The following TOPAZ1 variants were observed in gnomAD, a reference collection of about 807,000 sequenced individuals.
The protein encoded by TOPAZ1 is testis and ovary specific TOPAZ 1.
TOPAZ1 carries 66 observed loss-of-function variants against 172.2 expected under a neutral mutation model. The ratio of observed to expected loss-of-function variants is 0.38; its 90% CI spans 0.31 to 0.47. The LOEUF (loss-of-function observed/expected upper bound fraction) is 0.47, where lower values mean the gene tolerates loss of function less well. Ranked by LOEUF, TOPAZ1 falls within the 20% of genes least tolerant of loss-of-function variation. The pLI is 0.99. For synonymous variants in TOPAZ1, 681 were observed against 683.9 expected (o/e 1.00, Z 0.07); for missense variants, 1,822 against 1,972.4 (o/e 0.92, Z 1.44).
At position 44,242,892 on chromosome 3, in the gene TOPAZ1, A is replaced by G. The variant is rs1699503017; in HGVS notation, c.386A>G (p.Asp129Gly). 6.6e-7 allele frequency: 1 copy of G among 1,524,474 alleles called. No homozygotes were observed. Among genetic ancestry groups the G allele is most frequent in the Non-Finnish European group, 8.8e-7 (1 of 1,140,250 alleles). The allele number at this position is 1,524,474 out of a possible 1,614,324, so 94.4% of individuals were successfully genotyped here. The part of the protein sequence containing the change: ...KRKVTEASSD[D>G]PQPGLDLVRK... Reference sequence around the variant, plus strand: ...AAAGTTACTGAAGCCTCAAGTGATGATCCACAGCCAGGGCTTGACTTGGTA... The same window carrying G: ...AAAGTTACTGAAGCCTCAAGTGATGGTCCACAGCCAGGGCTTGACTTGGTA... Residue 129 changes from aspartate (D) to glycine (G), a missense_variant, in exon 2 of 20, where the codon GAT becomes GGT. Coordinates refer to ENST00000309765, the MANE Select transcript of TOPAZ1 (RefSeq NM_001145030.2).
rs1699866987 is a variant in TOPAZ1 at position 44,269,278 on chromosome 3, T to C, written c.3223T>C (p.Phe1075Leu). ...GCAGAATCCTGAAACTTGTGAAATA[T>C]TCAAGAGGGAAAAAAATGTGGGGGT... ...KLQNPETCEIFKREKNVGVFQ... is the reference protein window; with the variant it reads ...KLQNPETCEILKREKNVGVFQ... Residue 1075 changes from phenylalanine (F) to leucine (L), a missense_variant, in exon 7 of 20, where the codon TTC (phenylalanine) becomes CTC (leucine). This residue lies in a region of TOPAZ1 where 1,489 missense variants were observed against 1,490.8 expected (regional missense o/e 1.00). Transcript: ENST00000309765. 2 of 1,548,530 alleles carry C rather than the reference T, an allele frequency of 1.3e-6. No homozygotes were observed. The highest frequency in any genetic ancestry group is 2.4e-5 in the South Asian group (2 of 83,968).
intron 8 of TOPAZ1, among the ~76,000 whole-genome samples, chr3:44,271,796 A>G (rs1440081174): frequency 1.3e-5 from 2 of 152,084 alleles, no homozygotes; most frequent in Non-Finnish European, 2.9e-5. Flanking sequence ...TGAAATGTGC[A>G]TTATTATTTG....
rs71085609 is a variant in TOPAZ1, at chr3:44,255,670, TACACACACAC to T, written c.2828-439_2828-430del. Among the ~76,000 whole-genome samples, 59 of 46,360 alleles carry T rather than the reference TACACACACAC, an allele frequency of 1.3e-3. 1 individual carries two copies. The highest frequency in any genetic ancestry group is 4.5e-3 in the East Asian group (6 of 1,334). The allele number at this position is 46,360 out of a possible 152,430, so 30.4% of individuals were successfully genotyped here. A position where few individuals can be genotyped will look rare whatever the true frequency, so the allele number is the denominator to read the frequency against. Reference sequence around the variant, plus strand: ...CTGTCTCAAAAAAAAAAAATATATATACACACACACACACACACACACACACACACACACA... The same window carrying T: ...CTGTCTCAAAAAAAAAAAATATATATACACACACACACACACACACACACA... On this transcript the variant is annotated intron_variant, in intron 3 of 19. Transcript: ENST00000309765.
intron 12 of TOPAZ1, among the ~76,000 whole-genome samples, chr3:44,298,918 T>TAA (rs1559541900): frequency 2.4e-5 from 1 of 42,532 alleles, no homozygotes; most frequent in African/African-American, 9.4e-5. Context: ...TATTTTTTTT[T>TAA]TTTTTTTTTT....
In TOPAZ1 at chr3:44,243,817, T is replaced by C; in HGVS notation, c.1311T>C (p.Tyr437=). The change falls in exon 2 of 20, where the codon TAT becomes TAC. Residue 437 remains tyrosine, a synonymous_variant. Coordinates refer to ENST00000309765, the MANE Select transcript of TOPAZ1 (RefSeq NM_001145030.2). ...AGAATGCTTCAGAGCCGTTAGGTTATGAAAGCATGGCATCGAAAGAGGATT... is the reference window on the plus strand; with the variant it reads ...AGAATGCTTCAGAGCCGTTAGGTTACGAAAGCATGGCATCGAAAGAGGATT... ...ETENASEPLG[Y]ESMASKEDFK... The C allele has an allele frequency of 6.4e-7, 1 of 1,551,782 alleles. No homozygotes were observed. The highest frequency in any genetic ancestry group is 1.7e-4 in the Middle Eastern group (1 of 5,992).
chr3:44,278,994 AGTT>A (rs759395474), intron 8 of TOPAZ1, among the ~76,000 whole-genome samples: 1 of 151,922 alleles, frequency 6.6e-6, no homozygotes, highest in Non-Finnish European at 1.5e-5. Context: ...CTTTTAGAAT[AGTT>A]GTTGCTATAT....
chr3:44,243,654 A>G lies in TOPAZ1; in HGVS notation c.1148A>G (p.Lys383Arg), dbSNP rs149624505. ...ETKSPLNVLR[K>R]VSHNTVSLMD... ...AAAAGTCCTTTAAATGTTTTGAGAA[A>G]AGTAAGCCATAATACAGTCTCTTTG... Residue 383 changes from lysine to arginine, a missense_variant, in exon 2 of 20, where the codon AAA becomes AGA. Lys to Arg is a conservative substitution (Grantham distance 26). Around this residue, in one of 2 missense-constraint regions of TOPAZ1, gnomAD observed 1,489 missense variants for 1,490.8 expected, o/e 1.00. Transcript: ENST00000309765. The G allele has an allele frequency of 8.2e-4, 1,273 of 1,550,112 alleles. 18 individuals are homozygous for G. In the African/African-American group the frequency reaches 0.015, roughly 18 times the overall value.
chr3:44,249,381 GA>G (rs1699603746), intron 2 of TOPAZ1, among the ~76,000 whole-genome samples: 1 of 152,156 alleles, frequency 6.6e-6, no homozygotes, highest in Non-Finnish European at 1.5e-5. Context: ...TTGAAGTTTG[GA>G]TTTTAGATTA....
intron 8 of TOPAZ1, among the ~76,000 whole-genome samples, chr3:44,274,640 C>T (rs1007178487): frequency 6.6e-6 from 1 of 151,492 alleles, no homozygotes; most frequent in Admixed American, 6.6e-5. Flanking sequence ...CTGTAACCTC[C>T]GCCTCCCGGG....
intron 16 of TOPAZ1, among the ~76,000 whole-genome samples, chr3:44,313,066 T>C (rs765053335): frequency 3.3e-5 from 5 of 152,204 alleles, no homozygotes; most frequent in Non-Finnish European, 5.9e-5. Context: ...CATGGTTTTC[T>C]ATCTTATAAA....
At chr3:44,272,235 G>A (rs1699906556) in intron 8 of TOPAZ1, among the ~76,000 whole-genome samples, 1 of 152,172 alleles carries the variant, frequency 6.6e-6, no homozygotes, top group Admixed American at 6.5e-5. Flanking sequence ...TCAACATACT[G>A]ATTTCAAATC....
intron 16 of TOPAZ1, among the ~76,000 whole-genome samples, chr3:44,317,208 G>A (rs575268113): frequency 1.1e-4 from 16 of 152,292 alleles, no homozygotes; most frequent in Non-Finnish European, 2.2e-4. Flanking sequence ...ATCACTTGAG[G>A]TCAGGAGTTC....
In TOPAZ1 at chr3:44,270,705, G is replaced by C. The variant is rs752252168; in HGVS notation, c.3267G>C (p.Gly1089=). 5 of 1,549,384 alleles carry C rather than the reference G, an allele frequency of 3.2e-6. No homozygotes were observed. The South Asian group carries it at 6.0e-5, about 19-fold the overall frequency. ...TCTAGGTGTTCCAGAAGTCCCTAGG[G>C]TTGATGATACCCTATAAATATTGCA... ...KNVGVFQKSL[G]LMIPYKYCKF... is the part of the protein sequence containing the mutation. The change falls in exon 8 of 20, where the codon GGG becomes GGC. Residue 1089 remains glycine, a synonymous_variant. Coordinates refer to ENST00000309765, the MANE Select transcript of TOPAZ1 (RefSeq NM_001145030.2).
rs969818026 is a variant in TOPAZ1 at position 44,287,371 on chromosome 3, A to G, written c.3437-18A>G. On this transcript the variant is annotated intron_variant, in intron 9 of 19. Coordinates refer to ENST00000309765, the MANE Select transcript of TOPAZ1 (RefSeq NM_001145030.2). ...CTGAAGCAGCAAATGACTTTAGTAT[A>G]TATATTTTCATTTTCAGTAAACATA... 3.6e-6 allele frequency: 5 copies of G among 1,386,284 alleles called. No individual in the cohort carries two copies. The highest frequency in any genetic ancestry group is 3.0e-5 in the African/African-American group (2 of 67,340). 85.9% of individuals were successfully genotyped at this position (1,386,284 alleles called of 1,614,324 possible).
chr3:44,255,874 T>C (rs1360638695), intron 3 of TOPAZ1, among the ~76,000 whole-genome samples: 9 of 151,044 alleles, frequency 6.0e-5, no homozygotes, highest in Non-Finnish European at 8.9e-5. Flanking sequence ...TTTAAAAGTA[T>C]ATTTTATAAG....
chr3:44,322,973 G>C (rs1281015040), intron 17 of TOPAZ1, 119 bp from the exon 18 acceptor site: 1 of 599,116 alleles, frequency 1.7e-6, no homozygotes, highest in East Asian at 3.0e-5. Flanking sequence ...TTTAGTGACT[G>C]TGAGTCCTAT....
At position 44,243,423 on chromosome 3, in the gene TOPAZ1, A is replaced by G. The variant is rs1355096617; in HGVS notation, c.917A>G (p.Asn306Ser). The G allele has an allele frequency of 6.4e-7, 1 of 1,551,650 alleles. No individual in the cohort carries two copies. Among genetic ancestry groups the G allele is most frequent in the Non-Finnish European group, 8.7e-7 (1 of 1,146,944 alleles). The change falls in exon 2 of 20, where the codon AAT (asparagine) becomes AGT (serine). Residue 306 changes from asparagine (N) to serine (S), a missense_variant. This residue lies in a region of TOPAZ1 where 1,489 missense variants were observed against 1,490.8 expected (regional missense o/e 1.00). Transcript: ENST00000309765. ...EESDLYQSKT[N>S]GLLSCLQHEK... ...AGTGATTTATACCAAAGTAAAACCAATGGCTTGCTTTCCTGCCTTCAACAT... is the reference window on the plus strand; with the variant it reads ...AGTGATTTATACCAAAGTAAAACCAGTGGCTTGCTTTCCTGCCTTCAACAT...
intron 12 of TOPAZ1, among the ~76,000 whole-genome samples, chr3:44,297,189 GA>G (rs1486966969): frequency 1.3e-5 from 2 of 148,514 alleles, no homozygotes; most frequent in Non-Finnish European, 3.0e-5. Context: ...AAAGAAAAAA[GA>G]AAAGAAAATT....
intron 8 of TOPAZ1, among the ~76,000 whole-genome samples, chr3:44,275,377 C>A (rs1448226285): frequency 6.6e-6 from 1 of 152,080 alleles, no homozygotes; most frequent in Non-Finnish European, 1.5e-5. Context: ...TTCCCAGCCT[C>A]TGTTTCTATC....
Sources: gnomAD v4.1 joint callset for allele counts (sites outside exome capture counted in the v4.1 genomes callset) on GRCh38, gnomAD v4.1.1 for gene constraint, gnomAD v4.1.1 regional missense constraint, MANE v1.5 for transcripts, NCBI Gene and HGNC (gene_info 2026-07-23, HGNC 2026-07-21) for gene names.